ADGRL3: variants seen among roughly 807,000 people sequenced by gnomAD.
ADGRL3 encodes calcium-independent alpha-latrotoxin receptor 3.
A neutral mutation model predicts 153.5 loss-of-function variants in ADGRL3; 62 were observed. The observed-to-expected ratio is 0.40, with a 90% CI of 0.33 to 0.50. The LOEUF (loss-of-function observed/expected upper bound fraction) is 0.50, where lower values mean the gene tolerates loss of function less well. ADGRL3 is among the 20% of genes least tolerant of loss of function. The pLI is 0.47. For synonymous variants in ADGRL3, 710 were observed against 672.5 expected, an observed-to-expected ratio of 1.06 and a Z score of -0.86; for missense variants, 1,641 against 1,859.4, an observed-to-expected ratio of 0.88 and a Z score of 2.16.
chr4:61,779,137 A>G (rs2152364719), intron 8 of ADGRL3, among the ~76,000 whole-genome samples: 1 of 152,276 alleles, frequency 6.6e-6, no homozygotes, highest in South Asian at 2.1e-4. Context: ...GGAGTCAAAT[A>G]ATTTTGTTTA....
At chr4:61,973,246 T>A (rs923415769) in intron 17 of ADGRL3, among the ~76,000 whole-genome samples, 4 of 152,022 alleles carry the variant, frequency 2.6e-5, no homozygotes, top group African/African-American at 9.7e-5. Context: ...ATTTCCCTGT[T>A]CCAGAAATTT....
intron 8 of ADGRL3, among the ~76,000 whole-genome samples, chr4:61,811,665 A>T (rs994277457): frequency 1.3e-5 from 2 of 152,166 alleles, no homozygotes; most frequent in Non-Finnish European, 2.9e-5. Flanking sequence ...ATATATACAT[A>T]TGGATGTAGT....
intron 1 of ADGRL3, among the ~76,000 whole-genome samples, chr4:61,210,908 A>G (rs1033698289): frequency 6.6e-6 from 1 of 152,174 alleles, no homozygotes; most frequent in African/African-American, 2.4e-5. Flanking sequence ...TTATATTATT[A>G]ACTGTAGTTG....
At chr4:61,404,181 T>A (rs1412122725) in intron 2 of ADGRL3, among the ~76,000 whole-genome samples, 3 of 152,082 alleles carry the variant, frequency 2.0e-5, no homozygotes, top group African/African-American at 7.2e-5. Flanking sequence ...ATAATTGCAC[T>A]AACTAATGTG....
chr4:61,698,431 G>C (rs1464479922), intron 6 of ADGRL3, among the ~76,000 whole-genome samples: 1 of 152,016 alleles, frequency 6.6e-6, no homozygotes. Flanking sequence ...CAGTCTGGGT[G>C]ACAGTGAGAC....
At chr4:61,898,824 C>A (rs2098646835) in intron 11 of ADGRL3, among the ~76,000 whole-genome samples, 1 of 151,956 alleles carries the variant, frequency 6.6e-6, no homozygotes, top group Non-Finnish European at 1.5e-5. Flanking sequence ...ACCATGTTGC[C>A]CAGGCGGGTC....
At chr4:61,376,480 C>T (rs749021813) in intron 1 of ADGRL3, among the ~76,000 whole-genome samples, 13 of 151,964 alleles carry the variant, frequency 8.6e-5, no homozygotes, top group African/African-American at 1.7e-4. Flanking sequence ...TCTTCCTGGA[C>T]GCCCACCAAG....
At chr4:61,977,124 A>G (rs1278166496) in intron 17 of ADGRL3, among the ~76,000 whole-genome samples, 2 of 152,142 alleles carry the variant, frequency 1.3e-5, no homozygotes, top group East Asian at 1.9e-4. Context: ...TGAAGAGCCT[A>G]CTAAGGCACT....
intron 23 of ADGRL3, among the ~76,000 whole-genome samples, chr4:62,034,199 C>G (rs1723733464): frequency 6.6e-6 from 1 of 151,664 alleles, no homozygotes; most frequent in Admixed American, 6.6e-5. Context: ...CCAAATTCAT[C>G]CAGCTGCCTT....
intron 2 of ADGRL3, among the ~76,000 whole-genome samples, chr4:61,483,639 A>C (rs2098155872): frequency 6.6e-6 from 1 of 152,082 alleles, no homozygotes; most frequent in Non-Finnish European, 1.5e-5. Context: ...CGGGAGGCTG[A>C]GGCAGGATAA....
chr4:61,251,456 GGCA>G (rs1759229059), intron 1 of ADGRL3, among the ~76,000 whole-genome samples: 1 of 152,146 alleles, frequency 6.6e-6, no homozygotes, highest in Non-Finnish European at 1.5e-5. Flanking sequence ...GATGTCCCAT[GGCA>G]TCACTTTTGC....
chr4:61,332,214 T>G (rs2095586798), intron 1 of ADGRL3, among the ~76,000 whole-genome samples: 1 of 152,116 alleles, frequency 6.6e-6, no homozygotes, highest in Admixed American at 6.6e-5. Context: ...AACTATATCT[T>G]GACTAAATTC....
At chr4:61,277,024 T>G (rs2093495171) in intron 1 of ADGRL3, among the ~76,000 whole-genome samples, 1 of 152,166 alleles carries the variant, frequency 6.6e-6, no homozygotes, top group East Asian at 1.9e-4. Flanking sequence ...ACCCCCTATT[T>G]CATTTGTTTA....
chr4:61,905,328 G>A (rs1043447442), intron 11 of ADGRL3, among the ~76,000 whole-genome samples: 2 of 152,080 alleles, frequency 1.3e-5, no homozygotes, highest in Non-Finnish European at 2.9e-5. Context: ...TTGATTTACT[G>A]TATTATCAGT....
At chr4:61,288,575 G>T (rs1240865494) in intron 1 of ADGRL3, among the ~76,000 whole-genome samples, 5 of 151,902 alleles carry the variant, frequency 3.3e-5, no homozygotes, top group African/African-American at 1.2e-4. Context: ...TATATTATTA[G>T]CTAGGACTAG....
At chr4:61,761,860 G>C (rs1162021853) in intron 8 of ADGRL3, among the ~76,000 whole-genome samples, 1 of 152,140 alleles carries the variant, frequency 6.6e-6, no homozygotes. Context: ...GTGCCCAGGA[G>C]CTGGAGGCTG....
At chr4:61,788,868 T>C (rs902195044) in intron 8 of ADGRL3, among the ~76,000 whole-genome samples, 1 of 152,184 alleles carries the variant, frequency 6.6e-6, no homozygotes, top group Non-Finnish European at 1.5e-5. Context: ...TTTCAAGATA[T>C]GGGCAATTGA....
chr4:61,375,887 G>GT (rs2096597068), intron 1 of ADGRL3, among the ~76,000 whole-genome samples: 1 of 152,158 alleles, frequency 6.6e-6, no homozygotes, highest in East Asian at 1.9e-4. Context: ...TGCTTTATGA[G>GT]TGGTAGTTTC....
At chr4:61,271,006 G>A (rs1411779716) in intron 1 of ADGRL3, among the ~76,000 whole-genome samples, 1 of 151,736 alleles carries the variant, frequency 6.6e-6, no homozygotes, top group Non-Finnish European at 1.5e-5. Flanking sequence ...TCCTATATGA[G>A]AGGCATGTGA....
Sources: gnomAD v4.1 joint callset for allele counts (sites outside exome capture counted in the v4.1 genomes callset) on GRCh38, gnomAD v4.1.1 for gene constraint, MANE v1.5 for transcripts, NCBI Gene and HGNC (gene_info 2026-07-23, HGNC 2026-07-21) for gene names.